Variants in HOOK3 observed in about 807,000 individuals in gnomAD.
HOOK3 encodes hook microtubule tethering protein 3.
HOOK3 carries 24 observed loss-of-function variants against 116.3 expected under a neutral mutation model. The observed-to-expected ratio is 0.21, with a 90% CI of 0.15 to 0.29. The LOEUF is 0.29. Among genes scored for constraint, HOOK3 ranks in the 10% least tolerant of loss-of-function variants. The pLI, the probability that HOOK3 is intolerant of heterozygous loss-of-function variation, is 1.00. For missense variants in HOOK3, 632 were observed against 830.2 expected, an observed-to-expected ratio of 0.76 and a Z score of 2.93; for synonymous variants, 275 against 283.0, an observed-to-expected ratio of 0.97 and a Z score of 0.28.
chr8:42,967,501 G>A (rs1368443222), intron 10 of HOOK3, among the ~76,000 whole-genome samples: 1 of 152,058 alleles, frequency 6.6e-6, no homozygotes, highest in Admixed American at 6.5e-5. Context: ...GCCTACGCGG[G>A]GACTGTGTTA....
At chr8:42,935,202 G>A (rs1807943856) in intron 4 of HOOK3, among the ~76,000 whole-genome samples, 1 of 152,070 alleles carries the variant, frequency 6.6e-6, no homozygotes, top group Non-Finnish European at 1.5e-5. Context: ...TTCGAGAAGT[G>A]TCTGTTCATA....
rs532612568 is a variant in HOOK3, at chr8:42,938,363, G to C, written c.268-4950G>C. Among the ~76,000 whole-genome samples the C allele has an allele frequency of 1.5e-4, 23 of 152,184 alleles. No individual in the cohort carries two copies. The East Asian group carries it at 4.0e-3, about 27-fold the overall frequency. The stretch of plus-strand genomic sequence containing the variant: ...GACTCTTCATCCAATTTGCTAGTCT[G>C]TGCCTTTAAATTGGGGCATTTAGCC... On this transcript the variant is annotated intron_variant, in intron 4 of 21. Transcript: ENST00000307602.
intron 16 of HOOK3, 166 bp downstream of exon 16, chr8:42,997,803 A>T: frequency 3.5e-6 from 2 of 570,778 alleles, no homozygotes; most frequent in Non-Finnish European, 6.4e-6. Flanking sequence ...AAAGGACCAG[A>T]TAGTACTTTA....
At chr8:43,005,985 G>A (rs539904894) in intron 17 of HOOK3, among the ~76,000 whole-genome samples, 3 of 151,106 alleles carry the variant, frequency 2.0e-5, no homozygotes, top group South Asian at 2.1e-4. Context: ...GTGAGCCACC[G>A]CACCTGGTCT....
intron 15 of HOOK3, among the ~76,000 whole-genome samples, chr8:42,993,779 T>C (rs1013072437): frequency 6.6e-6 from 1 of 152,186 alleles, no homozygotes; most frequent in African/African-American, 2.4e-5. Context: ...GATTTTTCAA[T>C]TTTTTGGCAT....
intron 15 of HOOK3, among the ~76,000 whole-genome samples, chr8:42,990,683 C>A (rs193248636): frequency 6.6e-6 from 1 of 151,968 alleles, no homozygotes; most frequent in African/African-American, 2.4e-5. Context: ...GGAGTTTTTC[C>A]TGTAGAGTTG....
chr8:42,958,657 T>TA (rs1391378281), intron 7 of HOOK3, among the ~76,000 whole-genome samples: 1 of 150,164 alleles, frequency 6.7e-6, no homozygotes, highest in African/African-American at 2.5e-5. Context: ...GCAGGTTTGT[T>TA]ACATAGGTAC....
intron 15 of HOOK3, among the ~76,000 whole-genome samples, chr8:42,995,375 A>G (rs1363381831): frequency 6.6e-6 from 1 of 152,124 alleles, no homozygotes; most frequent in Non-Finnish European, 1.5e-5. Flanking sequence ...CAAGACTTTT[A>G]TCTTTCCTCA....
chr8:42,926,687 G>A (rs72644062), intron 3 of HOOK3, among the ~76,000 whole-genome samples: 4,583 of 152,268 alleles, frequency 0.03, 94 homozygotes, highest in Non-Finnish European at 0.046. Context: ...AACATCTTGC[G>A]TAACTATAAT....
chr8:42,981,234 G>T (rs1433051916), intron 13 of HOOK3, among the ~76,000 whole-genome samples: 1 of 151,326 alleles, frequency 6.6e-6, no homozygotes, highest in African/African-American at 2.4e-5. Flanking sequence ...TGTATTTTTG[G>T]TGGAGATGGG....
At position 42,959,413 on chromosome 8, in the gene HOOK3, G is replaced by A. The variant is rs78770015; in HGVS notation, c.615+99G>A. On this transcript the variant is annotated intron_variant, in intron 8 of 21. Transcript: ENST00000307602. ...TCATACAGTACATCTTAACTATAACGCAACCCTTTTTTAGGGAAAAAATGG... is the reference window on the plus strand; with the variant it reads ...TCATACAGTACATCTTAACTATAACACAACCCTTTTTTAGGGAAAAAATGG... 5,066 of 780,502 alleles carry A rather than the reference G, an allele frequency of 6.5e-3. 30 individuals carry two copies. The highest frequency in any genetic ancestry group is 7.5e-3 in the Non-Finnish European group (3,622 of 483,304). The allele number at this position is 780,502 out of a possible 1,614,324, so 48.3% of individuals were successfully genotyped here.
rs186074238 is a variant in HOOK3 at position 43,029,213 on chromosome 8, G to T, written c.*10715G>T. On this transcript the variant is annotated 3_prime_UTR_variant, in exon 22 of 22. Coordinates refer to ENST00000307602, the MANE Select transcript of HOOK3 (RefSeq NM_032410.4). ...TGTCACCAGGCTGGAGCAGTGGCAC[G>T]ATCTCGCCTCACTGCAACCTCCGCC... 12 of 168,868 alleles carry T rather than the reference G, an allele frequency of 7.1e-5. No individual in the cohort carries two copies. Among genetic ancestry groups the T allele is most frequent in the Admixed American group, 7.0e-4 (11 of 15,636 alleles). The allele number at this position is 168,868 out of a possible 1,614,324, so 10.5% of individuals were successfully genotyped here. A position where few individuals can be genotyped will look rare whatever the true frequency, so the allele number is the denominator to read the frequency against.
At chr8:42,909,996 A>G (rs1807391671) in intron 2 of HOOK3, among the ~76,000 whole-genome samples, 1 of 152,130 alleles carries the variant, frequency 6.6e-6, no homozygotes, top group Non-Finnish European at 1.5e-5. Flanking sequence ...GGAGGAATAC[A>G]TTTTTTTGAG....
At chr8:43,008,951 G>A (rs141967179) in intron 18 of HOOK3, among the ~76,000 whole-genome samples, 2,497 of 151,970 alleles carry the variant, frequency 0.016, 31 homozygotes, top group Non-Finnish European at 0.022. Flanking sequence ...GAGCCACCGC[G>A]CCCGGCCTAA....
intron 2 of HOOK3, among the ~76,000 whole-genome samples, chr8:42,923,131 G>A (rs1015017321): frequency 2.0e-5 from 3 of 152,286 alleles, no homozygotes; most frequent in African/African-American, 7.2e-5. Context: ...TTAGCCATTA[G>A]GGAAATGCAA....
Position 42,914,293 on chromosome 8 carries a change from C to T in HOOK3, c.143+8035C>T, listed in dbSNP as rs117564435. Among the ~76,000 whole-genome samples, 42 of 152,254 alleles carry T rather than the reference C, an allele frequency of 2.8e-4. No individual in the cohort carries two copies. In the East Asian group the frequency reaches 6.7e-3, roughly 24 times the overall value. On this transcript the variant is annotated intron_variant, in intron 2 of 21. Coordinates refer to ENST00000307602, the MANE Select transcript of HOOK3 (RefSeq NM_032410.4). ...AACTCTTAGTGATTTAAGTATGCAC[C>T]TAGATGATTTTTCATATTGTTGCCT...
At chr8:43,007,016 A>ATTTTTT (rs58609523) in intron 17 of HOOK3, among the ~76,000 whole-genome samples, 17 of 103,278 alleles carry the variant, frequency 1.6e-4, no homozygotes, top group African/African-American at 3.0e-4. Context: ...AAGTTCCTAG[A>ATTTTTT]TTTTTTTTTT....
At chr8:42,975,426 C>G (rs1190675884) in intron 13 of HOOK3, among the ~76,000 whole-genome samples, 5 of 152,164 alleles carry the variant, frequency 3.3e-5, no homozygotes, top group African/African-American at 1.2e-4. Context: ...GCTGGAGATA[C>G]AAAAATAAAT....
At chr8:42,947,752 C>G (rs1156831966) in intron 5 of HOOK3, among the ~76,000 whole-genome samples, 1 of 152,148 alleles carries the variant, frequency 6.6e-6, no homozygotes, top group East Asian at 1.9e-4. Context: ...CTGCTGTTTA[C>G]TACCTGACTC....
Sources: gnomAD v4.1 joint callset for allele counts (sites outside exome capture counted in the v4.1 genomes callset) on GRCh38, gnomAD v4.1.1 for gene constraint, MANE v1.5 for transcripts, NCBI Gene and HGNC (gene_info 2026-07-23, HGNC 2026-07-21) for gene names.